The following TTC13 variants were observed in gnomAD, a reference collection of about 807,000 sequenced individuals.
TTC13 encodes the protein tetratricopeptide repeat protein 13.
In TTC13, 62 loss-of-function variants were observed where a neutral mutation model predicts 120.0. The observed-to-expected ratio is 0.52, with a 90% CI of 0.42 to 0.64. TTC13 has a LOEUF of 0.64. Among genes scored for constraint, TTC13 ranks in the 30% least tolerant of loss-of-function variants. The pLI is 0.00. For missense variants in TTC13, 824 were observed against 1,050.2 expected (o/e 0.78, Z 2.98); for synonymous variants, 384 against 393.5 (o/e 0.98, Z 0.28).
chr1:230,956,636 A>G, intron 3 of TTC13: 1 of 326,650 alleles, frequency 3.1e-6, no homozygotes, highest in South Asian at 2.5e-5. Context: ...TACTTTAGGA[A>G]CATATTTAGA....
intron 20 of TTC13, 99 bp from the exon 21 acceptor site, chr1:230,909,119 T>C (rs1452929661): frequency 3.9e-6 from 4 of 1,018,254 alleles, no homozygotes; most frequent in Non-Finnish European, 5.9e-6. Flanking sequence ...ATAAAATTTA[T>C]TCAAAAATTC....
Position 230,906,989 on chromosome 1 carries a change from T to A in TTC13, c.2499A>T (p.Ser833=). The A allele has an allele frequency of 2.6e-6, 4 of 1,533,986 alleles. No individual in the cohort carries two copies. The highest frequency in any genetic ancestry group is 3.5e-6 in the Non-Finnish European group (4 of 1,147,552). The change falls in exon 23 of 23, where the codon TCA becomes TCT. Residue 833 remains serine, a synonymous_variant. Coordinates refer to ENST00000366661, the MANE Select transcript of TTC13 (RefSeq NM_024525.5). ...TTAACGTTGGAAACGTTTCTGATAC[T>A]GATGGAAGAGTCTTATAAGAAGGTG... ...SISPSYKTLP[S]VSETFPTLRS... is the part of the protein sequence containing the mutation.
At chr1:230,958,859 GA>G (rs1676355761) in intron 2 of TTC13, among the ~76,000 whole-genome samples, 1 of 152,180 alleles carries the variant, frequency 6.6e-6, no homozygotes, top group Non-Finnish European at 1.5e-5. Flanking sequence ...TGGACATGGT[GA>G]TGTACACTGA....
intron 12 of TTC13, among the ~76,000 whole-genome samples, chr1:230,927,301 G>A (rs891327252): frequency 6.6e-6 from 1 of 152,062 alleles, no homozygotes; most frequent in African/African-American, 2.4e-5. Flanking sequence ...ACTAGATAAT[G>A]AAAAACTGCT....
chr1:230,936,905 A>G (rs939970863), intron 8 of TTC13, among the ~76,000 whole-genome samples: 3 of 152,124 alleles, frequency 2.0e-5, no homozygotes, highest in Non-Finnish European at 2.9e-5. Flanking sequence ...GACACCCTCC[A>G]CTCCTTCTAT....
intron 20 of TTC13, among the ~76,000 whole-genome samples, chr1:230,910,385 G>A (rs1243176014): frequency 2.6e-5 from 4 of 152,340 alleles, no homozygotes; most frequent in Non-Finnish European, 5.9e-5. Flanking sequence ...TGCGCACTGT[G>A]TATGCTGCCA....
chr1:230,956,911 A>G (rs547835130), intron 3 of TTC13, among the ~76,000 whole-genome samples: 3 of 152,324 alleles, frequency 2.0e-5, no homozygotes, highest in Admixed American at 2.0e-4. Context: ...CGAGCAATGT[A>G]TATGTTCACA....
At chr1:230,926,198 CATA>C (rs1673035560) in intron 12 of TTC13, among the ~76,000 whole-genome samples, 1 of 151,998 alleles carries the variant, frequency 6.6e-6, no homozygotes, top group South Asian at 2.1e-4. Context: ...GGACTTAGCA[CATA>C]ATGATACTCA....
At chr1:230,930,268 T>C (rs1673417655) in intron 11 of TTC13, among the ~76,000 whole-genome samples, 1 of 152,234 alleles carries the variant, frequency 6.6e-6, no homozygotes, top group South Asian at 2.1e-4. Flanking sequence ...TTATGTTATA[T>C]ATTGAATGGA....
chr1:230,936,953 A>AGT (rs1184608684), intron 8 of TTC13, among the ~76,000 whole-genome samples: 4 of 152,136 alleles, frequency 2.6e-5, no homozygotes, highest in African/African-American at 7.3e-5. Context: ...GGAGTCAGTA[A>AGT]GTAACTACTC....
chr1:230,963,912 C>T lies in TTC13; in HGVS notation c.272-2609G>A, dbSNP rs571141874. Among the ~76,000 whole-genome samples, 15 of 152,138 alleles carry T rather than the reference C, an allele frequency of 9.9e-5. 1 individual carries two copies. Among genetic ancestry groups the T allele is most frequent in the African/African-American group, 3.1e-4 (13 of 41,500 alleles). Reference sequence around the variant, plus strand: ...TGAACCCCAACGAAAGGCTTTAGTCCCACAAAAATGAAGATAGTAATGGTT... The same window carrying T: ...TGAACCCCAACGAAAGGCTTTAGTCTCACAAAAATGAAGATAGTAATGGTT... On this transcript the variant is annotated intron_variant, in intron 1 of 22. Coordinates refer to ENST00000366661, the MANE Select transcript of TTC13 (RefSeq NM_024525.5).
intron 4 of TTC13, among the ~76,000 whole-genome samples, chr1:230,949,304 G>A (rs747170007): frequency 1.3e-5 from 2 of 150,636 alleles, no homozygotes; most frequent in Non-Finnish European, 3.0e-5. Flanking sequence ...AGGGTAACAG[G>A]AAGGCAAAGC....
chr1:230,947,491 G>C (rs1482058702), intron 4 of TTC13, among the ~76,000 whole-genome samples: 1 of 151,862 alleles, frequency 6.6e-6, no homozygotes, highest in Non-Finnish European at 1.5e-5. Flanking sequence ...GGCTTCCCTG[G>C]GCCACATTGG....
intron 1 of TTC13, among the ~76,000 whole-genome samples, chr1:230,961,873 C>G (rs1676670707): frequency 6.6e-6 from 1 of 152,058 alleles, no homozygotes; most frequent in South Asian, 2.1e-4. Context: ...TAAAAAAAAT[C>G]ACAAAAGGAG....
At chr1:230,925,036 T>C (rs1051180094) in intron 13 of TTC13, 63 bp from the exon 14 acceptor site, 1 of 1,593,976 alleles carries the variant, frequency 6.3e-7, no homozygotes, top group Admixed American at 1.7e-5. Context: ...CCACCTACTT[T>C]ACAGAGTCTC....
At chr1:230,935,993 G>A (rs1326377319) in intron 8 of TTC13, among the ~76,000 whole-genome samples, 5 of 152,154 alleles carry the variant, frequency 3.3e-5, no homozygotes. Flanking sequence ...AGCTTGGGTG[G>A]GTGGCAAGAA....
chr1:230,972,798 C>T (rs529517219), intron 1 of TTC13, among the ~76,000 whole-genome samples: 3 of 152,238 alleles, frequency 2.0e-5, no homozygotes, highest in South Asian at 2.1e-4. Context: ...AACAGATATA[C>T]GTGAAAAAGC....
Position 230,909,022 on chromosome 1 carries a change from T to C in TTC13, c.2310-2A>G, listed in dbSNP as rs773575586. On this transcript the variant is annotated splice_acceptor_variant, in intron 20 of 22. Coordinates refer to ENST00000366661, the MANE Select transcript of TTC13 (RefSeq NM_024525.5). LOFTEE classifies it high-confidence loss of function. Reference sequence around the variant, plus strand: ...ACGATGACCGAGTAAGCAATTACACTATTTAAATAAAGAACAAAGGTCAAT... The same window carrying C: ...ACGATGACCGAGTAAGCAATTACACCATTTAAATAAAGAACAAAGGTCAAT... The C allele has an allele frequency of 6.2e-7, 1 of 1,613,750 alleles. No individual in the cohort carries two copies. Among genetic ancestry groups the C allele is most frequent in the Non-Finnish European group, 8.5e-7 (1 of 1,179,676 alleles).
chr1:230,976,829 G>A (rs1277696545), intron 1 of TTC13, among the ~76,000 whole-genome samples: 1 of 152,186 alleles, frequency 6.6e-6, no homozygotes, highest in East Asian at 1.9e-4. Context: ...TTAGCCTGAT[G>A]CCAAAGAATC....
Sources: gnomAD v4.1 joint callset for allele counts (sites outside exome capture counted in the v4.1 genomes callset) on GRCh38, gnomAD v4.1.1 for gene constraint, MANE v1.5 for transcripts, NCBI Gene and HGNC (gene_info 2026-07-23, HGNC 2026-07-21) for gene names.